PGCKA1: variants seen among roughly 807,000 people sequenced by gnomAD.
PGCKA1 encodes the protein PDCD10 and GCKIII kinases-associated protein 1.
the PGCKA1 span, among the ~76,000 whole-genome samples, chr4:37,471,381 T>G: frequency 6.6e-6 from 1 of 152,216 alleles, no homozygotes; most frequent in East Asian, 1.9e-4. Context: ...GCTTACAGTT[T>G]GTTATACAGG....
chr4:37,560,547 C>A, the PGCKA1 span, among the ~76,000 whole-genome samples: 1 of 152,214 alleles, frequency 6.6e-6, no homozygotes, highest in East Asian at 1.9e-4. Context: ...CACTGCTCAG[C>A]TGCCTTTCAG....
the PGCKA1 span, among the ~76,000 whole-genome samples, chr4:37,469,343 A>G: frequency 2.0e-5 from 3 of 152,240 alleles, no homozygotes; most frequent in South Asian, 6.2e-4. Flanking sequence ...TCTGCCTTTC[A>G]GTAAGCTTAC....
chr4:37,542,321 C>G, the PGCKA1 span, among the ~76,000 whole-genome samples: 4 of 152,166 alleles, frequency 2.6e-5, no homozygotes, highest in East Asian at 1.9e-4. Context: ...GTGCTCAAAC[C>G]GTATCAGGAG....
chr4:37,532,866 T>G, the PGCKA1 span, among the ~76,000 whole-genome samples: 1 of 144,194 alleles, frequency 6.9e-6, no homozygotes, highest in Non-Finnish European at 1.5e-5. Flanking sequence ...GAAGATAAGC[T>G]TCTATGAAAT....
the PGCKA1 span, among the ~76,000 whole-genome samples, chr4:37,584,852 C>T: frequency 6.6e-6 from 1 of 152,004 alleles, no homozygotes; most frequent in African/African-American, 2.4e-5. Flanking sequence ...CTTTCGCCTT[C>T]CCCTGTACAC....
chr4:37,565,628 C>A, the PGCKA1 span, among the ~76,000 whole-genome samples: 2 of 152,148 alleles, frequency 1.3e-5, no homozygotes, highest in African/African-American at 2.4e-5. Flanking sequence ...ATTTCAGGAG[C>A]CTTTTGACCC....
the PGCKA1 span, among the ~76,000 whole-genome samples, chr4:37,548,371 AG>A: frequency 6.6e-6 from 1 of 152,152 alleles, no homozygotes; most frequent in African/African-American, 2.4e-5. Flanking sequence ...TTGTTTTAAA[AG>A]TTTAAGCAAG....
At chr4:37,563,332 T>C in the PGCKA1 span, among the ~76,000 whole-genome samples, 1 of 152,174 alleles carries the variant, frequency 6.6e-6, no homozygotes, top group Non-Finnish European at 1.5e-5. Context: ...GAGAGCTCTT[T>C]CCAGCTTGCA....
chr4:37,479,478 G>T, the PGCKA1 span, among the ~76,000 whole-genome samples: 2 of 152,116 alleles, frequency 1.3e-5, no homozygotes, highest in African/African-American at 4.8e-5. Flanking sequence ...AGAAGAGTTA[G>T]ATTCAAGAAT....
the PGCKA1 span, chr4:37,591,013 G>A: frequency 6.3e-7 from 1 of 1,587,424 alleles, no homozygotes; most frequent in Admixed American, 1.7e-5. Flanking sequence ...GAGGGGATTT[G>A]CACAGGGAGG....
the PGCKA1 span, among the ~76,000 whole-genome samples, chr4:37,568,715 C>G: frequency 0.24 from 36,505 of 152,142 alleles, 4,455 homozygotes; most frequent in South Asian, 0.34. Context: ...CACGGAAGTA[C>G]TGAAGCATGC....
At chr4:37,585,330 AGGAGGGGAGAGGAGAGGTGTTGAGGGAG>A in the PGCKA1 span, among the ~76,000 whole-genome samples, 4 of 1,098 alleles carry the variant, frequency 3.6e-3, 2 homozygotes, top group African/African-American at 0.016. Flanking sequence ...GTTGAGGGAG[AGGAGGGGAGAGGAGAGGTGTTGAGGGAG>A]GGGAGGGGAG....
chr4:37,521,895 T>C, the PGCKA1 span, among the ~76,000 whole-genome samples: 1 of 152,364 alleles, frequency 6.6e-6, no homozygotes, highest in Non-Finnish European at 1.5e-5. Context: ...TATTTAAAAT[T>C]GTTATATCCT....
the PGCKA1 span, among the ~76,000 whole-genome samples, chr4:37,462,847 T>A: frequency 6.6e-6 from 1 of 151,542 alleles, no homozygotes; most frequent in African/African-American, 2.4e-5. Context: ...ATACAAAAAA[T>A]TAGCCGGGCT....
the PGCKA1 span, among the ~76,000 whole-genome samples, chr4:37,522,962 T>C: frequency 6.6e-6 from 1 of 152,088 alleles, no homozygotes; most frequent in Non-Finnish European, 1.5e-5. Flanking sequence ...GGAAGGGTGA[T>C]GCCAGCACTC....
At chr4:37,481,298 A>G in the PGCKA1 span, among the ~76,000 whole-genome samples, 1 of 93,578 alleles carries the variant, frequency 1.1e-5, no homozygotes, top group Non-Finnish European at 3.0e-5. Context: ...TGTCTCTACT[A>G]AAAAAAAAAT....
the PGCKA1 span, among the ~76,000 whole-genome samples, chr4:37,478,245 G>C: frequency 6.7e-6 from 1 of 149,268 alleles, no homozygotes; most frequent in Non-Finnish European, 1.5e-5. Flanking sequence ...TTTGGACCAG[G>C]TTATGGTCTT....
the PGCKA1 span, among the ~76,000 whole-genome samples, chr4:37,495,821 A>T: frequency 2.6e-5 from 4 of 152,142 alleles, no homozygotes; most frequent in African/African-American, 9.7e-5. Context: ...AAACCTGCAC[A>T]TTCTGCACAT....
At chr4:37,461,404 T>C in the PGCKA1 span, among the ~76,000 whole-genome samples, 1 of 152,088 alleles carries the variant, frequency 6.6e-6, no homozygotes, top group Non-Finnish European at 1.5e-5. Flanking sequence ...TAAATTACTT[T>C]GGGCAATATG....
Sources: allele counts gnomAD v4.1 joint callset (sites outside exome capture counted in the v4.1 genomes callset), GRCh38; gene constraint gnomAD v4.1.1; transcripts MANE v1.5; gene names NCBI Gene and HGNC (gene_info 2026-07-23, HGNC 2026-07-21).